The following C4orf36 variants were observed in gnomAD, a reference collection of about 807,000 sequenced individuals.
C4orf36 encodes uncharacterized protein C4orf36.
C4orf36 carries 11 observed loss-of-function variants against 12.2 expected under a neutral mutation model. The ratio of observed to expected loss-of-function variants is 0.90; its 90% confidence interval spans 0.57 to 1.49. C4orf36 has a LOEUF of 1.49. Among genes scored for constraint, C4orf36 ranks in the 40% most tolerant of loss-of-function variants. C4orf36 has a pLI of 0.00. For missense variants in C4orf36, 137 were observed against 133.9 expected (o/e 1.02, Z -0.11); for synonymous variants, 54 against 51.3 (o/e 1.05, Z -0.22).
the C4orf36 span, chr4:86,935,057 C>T: frequency 7.9e-5 from 12 of 151,976 alleles, no homozygotes; most frequent in Middle Eastern, 3.2e-3. Context: ...CGCACTCGGC[C>T]GCCGCCTGCG....
the C4orf36 span, among the ~76,000 whole-genome samples, chr4:86,909,673 T>C: frequency 2.0e-5 from 3 of 152,118 alleles, no homozygotes; most frequent in African/African-American, 7.2e-5. Flanking sequence ...TACTAAACTC[T>C]GTATGAACCA....
chr4:86,906,768 G>A, the C4orf36 span, among the ~76,000 whole-genome samples: 4 of 145,968 alleles, frequency 2.7e-5, no homozygotes, highest in Admixed American at 6.9e-5. Flanking sequence ...GGCTGGGCAC[G>A]GTGCCTCACA....
chr4:86,897,147 G>A (rs896581064), upstream of C4orf36, among the ~76,000 whole-genome samples: 1 of 152,100 alleles, frequency 6.6e-6, no homozygotes, highest in African/African-American at 2.4e-5. Flanking sequence ...GATTGCTTGA[G>A]TTCAGGAGTT....
chr4:86,882,118 G>T (rs990834310), intron 4 of C4orf36, among the ~76,000 whole-genome samples: 1 of 152,092 alleles, frequency 6.6e-6, no homozygotes, highest in Non-Finnish European at 1.5e-5. Flanking sequence ...ACTGAATTTT[G>T]CAATGTAATT....
chr4:86,908,164 A>AACAT, the C4orf36 span, among the ~76,000 whole-genome samples: 3 of 92,596 alleles, frequency 3.2e-5, no homozygotes, highest in African/African-American at 1.3e-4. Context: ...CTATACTTTC[A>AACAT]ACATACACAC....
chr4:86,880,348 G>A (rs1747022530), intron 4 of C4orf36, among the ~76,000 whole-genome samples: 1 of 152,258 alleles, frequency 6.6e-6, no homozygotes, highest in Non-Finnish European at 1.5e-5. Flanking sequence ...GGTGCTACTT[G>A]GGAGCATGAG....
chr4:86,922,021 T>C, the C4orf36 span, among the ~76,000 whole-genome samples: 15 of 152,218 alleles, frequency 9.9e-5, no homozygotes, highest in Non-Finnish European at 1.9e-4. Context: ...AATGAATATG[T>C]GTGATAGGTT....
At chr4:86,913,173 C>G in the C4orf36 span, 1 of 382,718 alleles carries the variant, frequency 2.6e-6, no homozygotes, top group East Asian at 6.1e-5. Context: ...TTCCTTGGGG[C>G]TGGCTTCCTT....
rs932622882 is a variant in C4orf36 at position 86,892,296 on chromosome 4, C to A, written c.-187G>T. ...GGCCTGGTTACCCGGGCTCCAGGGG[C>A]TCGGAGGGTCGCGGCCGGGGTACTG... On this transcript the variant is annotated 5_prime_UTR_variant, in exon 1 of 5. Coordinates refer to ENST00000295898, the MANE Select transcript of C4orf36 (RefSeq NM_144645.4). 19 of 985,642 alleles carry A rather than the reference C, an allele frequency of 1.9e-5. No homozygotes were observed. The highest frequency in any genetic ancestry group is 2.2e-5 in the Non-Finnish European group (18 of 830,198). 61.1% of individuals were successfully genotyped at this position (985,642 alleles called of 1,614,324 possible).
At chr4:86,931,997 TGCACTCCA>T in the C4orf36 span, among the ~76,000 whole-genome samples, 1 of 140,596 alleles carries the variant, frequency 7.1e-6, no homozygotes, top group African/African-American at 2.7e-5. Flanking sequence ...ATTGCACCAT[TGCACTCCA>T]GCCTGGGCAA....
At chr4:86,914,526 G>A in the C4orf36 span, 15 of 477,988 alleles carry the variant, frequency 3.1e-5, no homozygotes, top group South Asian at 1.1e-4. Flanking sequence ...TCAGCCTCCC[G>A]GGTAGCTGGG....
chr4:86,925,727 T>A, the C4orf36 span: 1 of 152,080 alleles, frequency 6.6e-6, no homozygotes, highest in Admixed American at 6.6e-5. Context: ...TCTTTATGTA[T>A]GTTACTTTGA....
chr4:86,893,027 A>C (rs1747490691), upstream of C4orf36, among the ~76,000 whole-genome samples: 1 of 152,176 alleles, frequency 6.6e-6, no homozygotes, highest in Non-Finnish European at 1.5e-5. Context: ...CTAAGCATCA[A>C]TTTCTTCATC....
At chr4:86,930,696 A>G in the C4orf36 span, among the ~76,000 whole-genome samples, 2 of 152,350 alleles carry the variant, frequency 1.3e-5, no homozygotes, top group East Asian at 1.9e-4. Flanking sequence ...CTACATGACT[A>G]AAAAGCATTC....
chr4:86,890,558 C>T (rs1488847552), intron 2 of C4orf36, among the ~76,000 whole-genome samples: 1 of 151,920 alleles, frequency 6.6e-6, no homozygotes, highest in Non-Finnish European at 1.5e-5. Context: ...AGTTCAAGGT[C>T]TAAATACGTA....
At chr4:86,893,877 T>TG (rs2149425519), upstream of C4orf36, among the ~76,000 whole-genome samples, 1 of 137,842 alleles carries the variant, frequency 7.3e-6, no homozygotes, top group African/African-American at 3.3e-5. Flanking sequence ...TATTTATTTA[T>TG]TTATTTATTT....
chr4:86,931,346 TCTC>T, the C4orf36 span, among the ~76,000 whole-genome samples: 2 of 147,228 alleles, frequency 1.4e-5, no homozygotes, highest in African/African-American at 5.0e-5. Flanking sequence ...AGCATCTCCC[TCTC>T]CTCATCTACA....
the C4orf36 span, among the ~76,000 whole-genome samples, chr4:86,933,720 A>G: frequency 5.0e-3 from 758 of 152,362 alleles, 9 homozygotes; most frequent in African/African-American, 0.017. Flanking sequence ...AGTCTCTGTT[A>G]GAAACCTTTA....
At chr4:86,896,376 AC>A (rs1747589174), upstream of C4orf36, among the ~76,000 whole-genome samples, 1 of 152,212 alleles carries the variant, frequency 6.6e-6, no homozygotes, top group African/African-American at 2.4e-5. Context: ...TCAAAAAGTG[AC>A]ATTTTCTTTC....
Sources: allele counts gnomAD v4.1 joint callset (sites outside exome capture counted in the v4.1 genomes callset), GRCh38; gene constraint gnomAD v4.1.1; transcripts MANE v1.5; gene names NCBI Gene and HGNC (gene_info 2026-07-23, HGNC 2026-07-21).